The following TSPAN9 variants were observed in gnomAD, a reference collection of about 807,000 sequenced individuals.
TSPAN9 encodes tetraspanin-9.
A neutral mutation model predicts 31.0 loss-of-function variants in TSPAN9; 16 were observed. That is an observed-to-expected ratio of 0.52 (90% CI 0.35 to 0.78). The LOEUF is 0.78. Among genes scored for constraint, TSPAN9 ranks in the 30% least tolerant of loss-of-function variants. The pLI, the probability that TSPAN9 is intolerant of heterozygous loss-of-function variation, is 0.01. For missense variants in TSPAN9, 272 were observed against 312.5 expected (o/e 0.87, Z 0.98); for synonymous variants, 145 against 121.6 (o/e 1.19, Z -1.27).
At chr12:3,175,576 G>T (rs2098355085) in intron 2 of TSPAN9, among the ~76,000 whole-genome samples, 1 of 152,082 alleles carries the variant, frequency 6.6e-6, no homozygotes, top group African/African-American at 2.4e-5. Context: ...GTGCTCACGG[G>T]AGCCCAGAGC....
chr12:3,267,048 G>A (rs542127761), intron 3 of TSPAN9, among the ~76,000 whole-genome samples: 38 of 152,302 alleles, frequency 2.5e-4, no homozygotes, highest in Non-Finnish European at 2.2e-4. Context: ...GGGTGGAGCC[G>A]AGGCAGCTCT....
chr12:3,146,670 C>A (rs1648661338), intron 2 of TSPAN9, among the ~76,000 whole-genome samples: 1 of 152,202 alleles, frequency 6.6e-6, no homozygotes, highest in Non-Finnish European at 1.5e-5. Context: ...TCTTTCCTGC[C>A]TCCTTATCTT....
chr12:3,116,666 C>T (rs1028199746), intron 2 of TSPAN9, among the ~76,000 whole-genome samples: 2 of 152,110 alleles, frequency 1.3e-5, no homozygotes, highest in African/African-American at 4.8e-5. Context: ...ATGAGAACTG[C>T]CCCCTGCTGC....
At chr12:3,158,812 C>CT (rs2098343661) in intron 2 of TSPAN9, among the ~76,000 whole-genome samples, 1 of 149,104 alleles carries the variant, frequency 6.7e-6, no homozygotes. Context: ...TGCCTTTGTG[C>CT]TTTTGATCAC....
chr12:3,276,657 T>C (rs2153980602), intron 3 of TSPAN9, among the ~76,000 whole-genome samples: 1 of 152,346 alleles, frequency 6.6e-6, no homozygotes. Context: ...ATTGCCTTAT[T>C]TTTCTTCGTG....
At chr12:3,179,418 A>C (rs189791633) in intron 2 of TSPAN9, among the ~76,000 whole-genome samples, 1 of 152,168 alleles carries the variant, frequency 6.6e-6, no homozygotes, top group East Asian at 1.9e-4. Context: ...CATTCCTCTC[A>C]TTCTGCCCTA....
intron 3 of TSPAN9, 49 bp downstream of exon 3, chr12:3,201,305 G>C: frequency 6.4e-7 from 1 of 1,554,534 alleles, no homozygotes; most frequent in Non-Finnish European, 8.9e-7. Context: ...CCTCCTCTTG[G>C]CTTACCATAG....
chr12:3,271,801 C>T (rs1254734030), intron 3 of TSPAN9, among the ~76,000 whole-genome samples: 3 of 152,084 alleles, frequency 2.0e-5, no homozygotes, highest in East Asian at 1.9e-4. Context: ...GAATGAGCTG[C>T]GGGGGCCCTT....
chr12:3,105,431 T>TAA (rs35039490), intron 2 of TSPAN9, among the ~76,000 whole-genome samples: 72 of 134,482 alleles, frequency 5.4e-4, no homozygotes, highest in South Asian at 2.2e-3. Context: ...TTCCTTGTCT[T>TAA]AAAAAAAAAA....
chr12:3,080,956 G>A (rs1299889442), intron 1 of TSPAN9, among the ~76,000 whole-genome samples: 1 of 152,120 alleles, frequency 6.6e-6, no homozygotes, highest in African/African-American at 2.4e-5. Flanking sequence ...CCCCCTTTTC[G>A]CAGGCCTGTA....
At chr12:3,090,255 C>T (rs1245204974) in intron 2 of TSPAN9, among the ~76,000 whole-genome samples, 2 of 152,180 alleles carry the variant, frequency 1.3e-5, no homozygotes. Flanking sequence ...GATTTTGTTC[C>T]ATTCATCACT....
At chr12:3,115,287 A>G (rs1162101773) in intron 2 of TSPAN9, among the ~76,000 whole-genome samples, 1 of 152,206 alleles carries the variant, frequency 6.6e-6, no homozygotes, top group Non-Finnish European at 1.5e-5. Flanking sequence ...GTAATATTCC[A>G]GCATACGGAC....
At chr12:3,226,254 CT>C (rs2098387094) in intron 3 of TSPAN9, among the ~76,000 whole-genome samples, 1 of 152,092 alleles carries the variant, frequency 6.6e-6, no homozygotes, top group African/African-American at 2.4e-5. Flanking sequence ...GGAGAAACTC[CT>C]TTAAAGACCA....
chr12:3,146,558 C>G lies in TSPAN9; in HGVS notation c.-17-54619C>G, dbSNP rs574416766. Among the ~76,000 whole-genome samples, 8 of 152,326 alleles carry G rather than the reference C, an allele frequency of 5.3e-5. 2 individuals carry two copies. Among genetic ancestry groups the G allele is most frequent in the African/African-American group, 1.9e-4 (8 of 41,558 alleles). The stretch of plus-strand genomic sequence containing the variant: ...TTGATGAAGACAGGCATTAGACAAA[C>G]AGTTCACAAATAGTTAATTACACTT... On this transcript the variant is annotated intron_variant, in intron 2 of 8. Transcript: ENST00000011898.
chr12:3,101,574 C>G (rs575627364), intron 2 of TSPAN9, among the ~76,000 whole-genome samples: 19 of 152,306 alleles, frequency 1.2e-4, no homozygotes, highest in African/African-American at 4.6e-4. Flanking sequence ...CTCCTTACTA[C>G]TGTTTTATGA....
At chr12:3,209,432 C>T (rs182989627) in intron 3 of TSPAN9, among the ~76,000 whole-genome samples, 2 of 152,234 alleles carry the variant, frequency 1.3e-5, no homozygotes, top group Admixed American at 1.3e-4. Flanking sequence ...TGTAAACATT[C>T]TCGTATAAGT....
At chr12:3,085,647 G>A (rs572165286) in intron 2 of TSPAN9, among the ~76,000 whole-genome samples, 2 of 152,238 alleles carry the variant, frequency 1.3e-5, no homozygotes, top group East Asian at 1.9e-4. Flanking sequence ...TGGGCAAGTC[G>A]ATTGGCTTCT....
chr12:3,128,888 A>G (rs928435463), intron 2 of TSPAN9, among the ~76,000 whole-genome samples: 9 of 152,126 alleles, frequency 5.9e-5, no homozygotes, highest in Non-Finnish European at 1.2e-4. Context: ...ATCATCCCAC[A>G]CTGACACTGT....
chr12:3,118,235 C>CCACACT (rs373072297), intron 2 of TSPAN9, among the ~76,000 whole-genome samples: 1 of 146,300 alleles, frequency 6.8e-6, no homozygotes, highest in Non-Finnish European at 1.5e-5. Context: ...TACCTGATTC[C>CCACACT]GCACCGCCCC....
Sources: allele counts gnomAD v4.1 joint callset (sites outside exome capture counted in the v4.1 genomes callset), GRCh38; gene constraint gnomAD v4.1.1; transcripts MANE v1.5; gene names NCBI Gene and HGNC (gene_info 2026-07-23, HGNC 2026-07-21).